The following ASIC2 variants were observed in gnomAD, a reference collection of about 807,000 sequenced individuals.
The protein encoded by ASIC2 is acid-sensing ion channel 2.
In ASIC2, 25 loss-of-function variants were observed where a neutral mutation model predicts 57.3. The observed-to-expected ratio is 0.44, with a 90% CI of 0.32 to 0.61. The LOEUF is 0.61. Among genes scored for constraint, ASIC2 ranks in the 20% least tolerant of loss-of-function variants. The pLI, the probability that ASIC2 is intolerant of heterozygous loss-of-function variation, is 0.06. For missense variants in ASIC2, 641 were observed against 738.1 expected (o/e 0.87, Z 1.52); for synonymous variants, 319 against 307.5 (o/e 1.04, Z -0.39).
At chr17:33,645,268 A>G (rs1205339645) in intron 1 of ASIC2, among the ~76,000 whole-genome samples, 3 of 152,166 alleles carry the variant, frequency 2.0e-5, no homozygotes, top group Non-Finnish European at 2.9e-5. Flanking sequence ...CTCCTTCTAC[A>G]ATACTAGGTA....
chr17:33,591,030 C>T (rs2142004736), intron 1 of ASIC2, among the ~76,000 whole-genome samples: 1 of 152,278 alleles, frequency 6.6e-6, no homozygotes, highest in African/African-American at 2.4e-5. Context: ...TTCCAACGTG[C>T]TCAAATGCTT....
rs1907381940 is a variant in ASIC2 at position 33,333,108 on chromosome 17, C to T, written c.556-221041G>A. Among the ~76,000 whole-genome samples the T allele has an allele frequency of 2.0e-5, 3 of 152,342 alleles. No individual in the cohort carries two copies. The South Asian group carries it at 6.2e-4, about 32-fold the overall frequency. ...AAGGAATTGGCCTTGGGGAACCTTA[C>T]TTTGGCAGGGTGATTGGAGACTGGC... On this transcript the variant is annotated intron_variant, in intron 1 of 9. Coordinates refer to the ASIC2 transcript ENST00000359872.
At chr17:33,627,855 T>C (rs1207431875) in intron 1 of ASIC2, among the ~76,000 whole-genome samples, 5 of 152,006 alleles carry the variant, frequency 3.3e-5, no homozygotes, top group Non-Finnish European at 7.4e-5. Flanking sequence ...ATCCAGTGAG[T>C]TCTCAGGCTG....
intron 1 of ASIC2, among the ~76,000 whole-genome samples, chr17:33,307,304 CT>C (rs761557782): frequency 7.5e-6 from 1 of 132,598 alleles, no homozygotes; most frequent in South Asian, 2.4e-4. Flanking sequence ...TCTTCTTCTT[CT>C]TTTTCTTCTT....
intron 2 of ASIC2, among the ~76,000 whole-genome samples, chr17:33,104,202 TA>T (rs200537134): frequency 3.9e-5 from 6 of 151,928 alleles, no homozygotes; most frequent in Non-Finnish European, 7.4e-5. Flanking sequence ...CTTACATATA[TA>T]AAAAAAACCC....
chr17:33,602,476 A>G (rs1905135863), intron 1 of ASIC2, among the ~76,000 whole-genome samples: 1 of 152,178 alleles, frequency 6.6e-6, no homozygotes, highest in Non-Finnish European at 1.5e-5. Flanking sequence ...ACACAGCAAG[A>G]AGGCCCTCAC....
chr17:33,669,423 T>C (rs766355184), intron 1 of ASIC2, among the ~76,000 whole-genome samples: 2 of 152,324 alleles, frequency 1.3e-5, no homozygotes, highest in Middle Eastern at 3.4e-3. Flanking sequence ...TAAATGTGTG[T>C]ATATCTAACT....
intron 1 of ASIC2, among the ~76,000 whole-genome samples, chr17:33,122,855 C>A (rs2092308370): frequency 6.6e-6 from 1 of 152,156 alleles, no homozygotes; most frequent in Non-Finnish European, 1.5e-5. Flanking sequence ...CCTCTGGTAA[C>A]CAGCAGTACA....
chr17:34,150,054 C>T (rs1904459185), intron 1 of ASIC2, among the ~76,000 whole-genome samples: 1 of 152,160 alleles, frequency 6.6e-6, no homozygotes, highest in Admixed American at 6.5e-5. Context: ...ACTATTCAGC[C>T]TTTAAAAAGG....
intron 1 of ASIC2, among the ~76,000 whole-genome samples, chr17:33,266,617 A>T (rs1457949851): frequency 7.2e-6 from 1 of 139,750 alleles, no homozygotes; most frequent in African/African-American, 2.7e-5. Context: ...CTAGCTTTGA[A>T]CTAGTCCCCC....
intron 1 of ASIC2, among the ~76,000 whole-genome samples, chr17:33,590,623 TCTACA>T (rs904776598): frequency 6.6e-6 from 1 of 150,506 alleles, no homozygotes; most frequent in African/African-American, 2.5e-5. Flanking sequence ...CACCCCAGTC[TCTACA>T]CTACACCCCA....
At chr17:33,898,941 T>C (rs1316966894) in intron 1 of ASIC2, among the ~76,000 whole-genome samples, 1 of 152,200 alleles carries the variant, frequency 6.6e-6, no homozygotes, top group African/African-American at 2.4e-5. Context: ...GTTACTCTGA[T>C]TAACTCAACT....
chr17:33,082,163 T>C (rs919089583), intron 3 of ASIC2, among the ~76,000 whole-genome samples: 1 of 152,118 alleles, frequency 6.6e-6, no homozygotes, highest in Non-Finnish European at 1.5e-5. Context: ...CCAAGGTGTT[T>C]CTGAGGCTGT....
At chr17:33,120,903 T>C (rs2092299874) in intron 1 of ASIC2, among the ~76,000 whole-genome samples, 2 of 152,096 alleles carry the variant, frequency 1.3e-5, no homozygotes, top group African/African-American at 2.4e-5. Context: ...TAATATGGAA[T>C]TGGGGACCAG....
intron 1 of ASIC2, among the ~76,000 whole-genome samples, chr17:33,437,918 G>GAC (rs893782624): frequency 8.5e-5 from 13 of 152,290 alleles, no homozygotes; most frequent in African/African-American, 3.1e-4. Flanking sequence ...ATTATCCAAT[G>GAC]ACTAGGTTGA....
At chr17:33,830,500 A>G (rs1298422825) in intron 1 of ASIC2, among the ~76,000 whole-genome samples, 1 of 151,676 alleles carries the variant, frequency 6.6e-6, no homozygotes, top group Non-Finnish European at 1.5e-5. Flanking sequence ...GTACTATTAT[A>G]TTTTCTTATG....
At chr17:33,569,716 TCATCCATCCATCTATCCATCCGTCCATC>T (rs1256142645) in intron 1 of ASIC2, among the ~76,000 whole-genome samples, 1 of 152,036 alleles carries the variant, frequency 6.6e-6, no homozygotes, top group African/African-American at 2.4e-5. Context: ...TTGGTGCATA[TCATCCATCCATCTATCCATCCGTCCATC>T]CATCCATCCA....
chr17:34,110,910 C>T (rs968819516), intron 1 of ASIC2, among the ~76,000 whole-genome samples: 2 of 152,102 alleles, frequency 1.3e-5, no homozygotes, highest in East Asian at 1.9e-4. Context: ...TTTTCATTCC[C>T]GTCCTGTTAC....
At chr17:33,477,195 G>A (rs1276265009) in intron 1 of ASIC2, among the ~76,000 whole-genome samples, 1 of 152,152 alleles carries the variant, frequency 6.6e-6, no homozygotes, top group Non-Finnish European at 1.5e-5. Context: ...TGGGTCACAT[G>A]CTGTTGGCTA....
Sources: allele counts gnomAD v4.1 joint callset (sites outside exome capture counted in the v4.1 genomes callset), GRCh38; gene constraint gnomAD v4.1.1; transcripts MANE v1.5; gene names NCBI Gene and HGNC (gene_info 2026-07-23, HGNC 2026-07-21).